OOEP: variants seen among roughly 807,000 people sequenced by gnomAD.
OOEP encodes oocyte expressed protein, also known as oocyte-expressed protein homolog.
In OOEP, 16 loss-of-function variants were observed where a neutral mutation model predicts 13.7. That is an observed-to-expected ratio of 1.16 (90% CI 0.79 to 1.77). OOEP has a LOEUF of 1.77. Ranked by LOEUF, OOEP falls within the 40% of genes most tolerant of loss-of-function variation. The probability of loss-of-function intolerance (pLI) is 0.00; values close to 1 mark genes in which losing one functional copy is unlikely to be tolerated. For missense variants in OOEP, 195 were observed against 193.1 expected, an observed-to-expected ratio of 1.01 and a Z score of -0.06; for synonymous variants, 89 against 77.1, an observed-to-expected ratio of 1.15 and a Z score of -0.81.
chr6:73,390,741 TA>T (rs1161634437), intron 2 of OOEP, among the ~76,000 whole-genome samples: 2 of 151,006 alleles, frequency 1.3e-5, no homozygotes, highest in Non-Finnish European at 2.9e-5. Context: ...CATGCCCAGC[TA>T]ATTTTTTTTT....
chr6:73,373,312 G>A, upstream of OOEP: 1 of 1,536,856 alleles, frequency 6.5e-7, no homozygotes, highest in African/African-American at 1.4e-5. Flanking sequence ...GAAAGGAAGA[G>A]GGCTCCTTCT....
intron 2 of OOEP, among the ~76,000 whole-genome samples, chr6:73,392,984 T>G (rs1237240415): frequency 6.6e-6 from 1 of 151,788 alleles, no homozygotes; most frequent in Non-Finnish European, 1.5e-5. Flanking sequence ...ACCAGGCTGG[T>G]CACGAGCTCC....
chr6:73,377,326 G>T (rs1769150231), intron 2 of OOEP, among the ~76,000 whole-genome samples: 1 of 152,182 alleles, frequency 6.6e-6, no homozygotes, highest in Non-Finnish European at 1.5e-5. Context: ...TGCTTCAGCT[G>T]AGAGAGAACT....
intron 2 of OOEP, among the ~76,000 whole-genome samples, chr6:73,393,076 C>T (rs888187656): frequency 6.6e-6 from 1 of 151,632 alleles, no homozygotes; most frequent in African/African-American, 2.4e-5. Flanking sequence ...GGCCTGGTGT[C>T]CACTGTGTTT....
At chr6:73,383,030 G>T (rs976429528) in intron 2 of OOEP, among the ~76,000 whole-genome samples, 2 of 150,878 alleles carry the variant, frequency 1.3e-5, no homozygotes, top group Admixed American at 6.6e-5. Context: ...ATAGAGATGG[G>T]GTTTCCCCCT....
intron 2 of OOEP, among the ~76,000 whole-genome samples, chr6:73,389,989 C>G (rs1769326166): frequency 6.6e-6 from 1 of 152,118 alleles, no homozygotes; most frequent in Admixed American, 6.6e-5. Flanking sequence ...AGAGACCAGC[C>G]TGGTTGGCAT....
At chr6:73,386,086 C>G (rs1003570621) in intron 2 of OOEP, among the ~76,000 whole-genome samples, 4 of 148,092 alleles carry the variant, frequency 2.7e-5, no homozygotes, top group African/African-American at 7.4e-5. Flanking sequence ...CAACAACATG[C>G]TTTTCTTTTT....
chr6:73,395,074 C>G (rs766622101), exon 1 of OOEP: 2 of 1,614,132 alleles, frequency 1.2e-6, no homozygotes, highest in Admixed American at 1.7e-5. Flanking sequence ...CACCTCTAGG[C>G]CCCCGGAGGC....
rs1480339683 is a variant in OOEP, at chr6:73,387,399, G to A, written c.25+6947C>T. On this transcript the variant is annotated intron_variant, in intron 2 of 3. Transcript: ENST00000370363. ...TGTGGTGGCAGGTGCCTTTAATCCC[G>A]GCTACTTGGGAAGCCAAGGCAGGAG... 4.6e-5 allele frequency among the ~76,000 whole-genome samples: 7 copies of A among 151,150 alleles called. No homozygotes were observed. The South Asian group carries it at 6.3e-4, about 14-fold the overall frequency.
intron 2 of OOEP, among the ~76,000 whole-genome samples, chr6:73,390,754 CTTTT>C (rs530030331): frequency 1.6e-4 from 23 of 143,660 alleles, no homozygotes; most frequent in African/African-American, 5.7e-4. Context: ...TTTTTTTTTT[CTTTT>C]TTTTTCTTTT....
chr6:73,379,263 A>G (rs770857992), intron 2 of OOEP, among the ~76,000 whole-genome samples: 3 of 151,290 alleles, frequency 2.0e-5, no homozygotes, highest in Non-Finnish European at 4.4e-5. Context: ...GGCTCAAGCA[A>G]TCCTCCTGCC....
In OOEP at chr6:73,383,660, A is replaced by T. The variant is rs368833574; in HGVS notation, c.25+10686T>A. ...AGAATAAAATAAAATCAATGCAATC[A>T]GTGCAAGAAGGAAGTAATAAAGATT... On this transcript the variant is annotated intron_variant, in intron 2 of 3. Coordinates refer to the OOEP transcript ENST00000370363. Among the ~76,000 whole-genome samples, 5 of 152,294 alleles carry T rather than the reference A, an allele frequency of 3.3e-5. No individual in the cohort carries two copies. The South Asian group carries it at 1.0e-3, about 32-fold the overall frequency.
chr6:73,381,775 G>T (rs1769211902), intron 2 of OOEP, among the ~76,000 whole-genome samples: 1 of 152,136 alleles, frequency 6.6e-6, no homozygotes, highest in African/African-American at 2.4e-5. Flanking sequence ...GAAGTCAGGA[G>T]TTCGAGACCA....
intron 2 of OOEP, among the ~76,000 whole-genome samples, chr6:73,385,233 G>A (rs1268295577): frequency 6.6e-6 from 1 of 151,778 alleles, no homozygotes; most frequent in Admixed American, 6.6e-5. Flanking sequence ...TGTAGTCCCA[G>A]CTACTTGGGA....
rs1029456246 is a variant in OOEP at position 73,369,609 on chromosome 6, G to C, written c.184C>G (p.Leu62Val). 4 of 1,613,386 alleles carry C rather than the reference G, an allele frequency of 2.5e-6. No homozygotes were observed. In the African/African-American group the frequency reaches 5.3e-5, roughly 22 times the overall value. The change falls in exon 1 of 3, where the codon CTC becomes GTC. Residue 62 changes from leucine to valine, a missense_variant. Transcript: ENST00000370359. ...FYLEAWLADELFGPDRAIIPE... is the reference protein window; with the variant it reads ...FYLEAWLADEVFGPDRAIIPE... ...CACACCTGGGGTCGCTCACCAAAGA[G>C]CTCGTCTGCCAGCCATGCCTCTAGG...
At chr6:73,373,025 T>C, upstream of OOEP, 7 of 1,107,024 alleles carry the variant, frequency 6.3e-6, no homozygotes, top group African/African-American at 1.5e-5. Context: ...CTCCAGATAG[T>C]GGTGACATTT....
upstream of OOEP, chr6:73,373,111 T>G (rs1040123464): frequency 3.1e-6 from 5 of 1,601,292 alleles, no homozygotes; most frequent in Admixed American, 3.3e-5. Context: ...CAATTCCTTA[T>G]AGACCCAGCT....
rs1014504052 is a variant in OOEP, at chr6:73,375,436, G to A, written c.26-6051C>T. ...CTACAAAAAAATTAAAAATTAACCC[G>A]GTGTGGTGTCTCATGCCTTGTAGTC... On this transcript the variant is annotated intron_variant, in intron 2 of 3. Transcript: ENST00000370363. 8.6e-5 allele frequency among the ~76,000 whole-genome samples: 13 copies of A among 151,964 alleles called. No individual in the cohort carries two copies. In the South Asian group the frequency reaches 1.7e-3, roughly 19 times the overall value.
intron 2 of OOEP, among the ~76,000 whole-genome samples, chr6:73,376,934 G>C (rs1769147131): frequency 6.6e-6 from 1 of 152,196 alleles, no homozygotes; most frequent in Non-Finnish European, 1.5e-5. Flanking sequence ...TTACAGGCGT[G>C]AGCCACTGCA....
Sources: allele counts gnomAD v4.1 joint callset (sites outside exome capture counted in the v4.1 genomes callset), GRCh38; gene constraint gnomAD v4.1.1; transcripts MANE v1.5; gene names NCBI Gene and HGNC (gene_info 2026-07-23, HGNC 2026-07-21).